FAT3: variants seen among roughly 807,000 people sequenced by gnomAD.
The protein encoded by FAT3 is protocadherin Fat 3.
In FAT3, 95 loss-of-function variants were observed where a neutral mutation model predicts 310.2. The ratio of observed to expected loss-of-function variants is 0.31; its 90% CI spans 0.26 to 0.36. FAT3 has a LOEUF of 0.36. FAT3 is among the 10% of genes least tolerant of loss of function. The pLI is 1.00. For missense variants in FAT3, 5,408 were observed against 5,715.6 expected, an observed-to-expected ratio of 0.95 and a Z score of 1.74; for synonymous variants, 2,314 against 2,192.9, an observed-to-expected ratio of 1.06 and a Z score of -1.54.
chr11:92,578,995 T>G (rs750110402), intron 3 of FAT3, among the ~76,000 whole-genome samples: 1 of 152,120 alleles, frequency 6.6e-6, no homozygotes, highest in Non-Finnish European at 1.5e-5. Context: ...GTATTACTTA[T>G]AAGGACATTT....
chr11:92,349,519 G>A lies in FAT3; in HGVS notation c.-17-2577G>A, dbSNP rs144506254. 3.3e-5 allele frequency among the ~76,000 whole-genome samples: 5 copies of A among 152,328 alleles called. No individual in the cohort carries two copies. The East Asian group carries it at 7.7e-4, about 24-fold the overall frequency. Reference sequence around the variant, plus strand: ...CACTGTGGGCTTCGCCACTCTGCTAGGTAGGACATTTGAACCTACTGCATC... The same window carrying A: ...CACTGTGGGCTTCGCCACTCTGCTAAGTAGGACATTTGAACCTACTGCATC... On this transcript the variant is annotated intron_variant, in intron 1 of 27. Transcript: ENST00000525166.
At chr11:92,287,997 G>A (rs1946600635) in intron 1 of FAT3, among the ~76,000 whole-genome samples, 1 of 152,110 alleles carries the variant, frequency 6.6e-6, no homozygotes, top group Non-Finnish European at 1.5e-5. Context: ...GCACGTCTTT[G>A]TAAAATGGAA....
chr11:92,772,102 A>G (rs903439478), intron 6 of FAT3, among the ~76,000 whole-genome samples: 2 of 152,174 alleles, frequency 1.3e-5, no homozygotes, highest in South Asian at 2.1e-4. Flanking sequence ...TTTTAAAATG[A>G]TCAACATTAG....
At chr11:92,383,519 A>G (rs1259797569) in intron 2 of FAT3, among the ~76,000 whole-genome samples, 2 of 152,226 alleles carry the variant, frequency 1.3e-5, no homozygotes, top group African/African-American at 2.4e-5. Context: ...GCATGTGAAC[A>G]TTTGGCTAGA....
intron 2 of FAT3, among the ~76,000 whole-genome samples, chr11:92,455,407 G>A (rs1272022789): frequency 6.6e-6 from 1 of 152,092 alleles, no homozygotes; most frequent in Non-Finnish European, 1.5e-5. Context: ...TCACTATTGT[G>A]CGGTGTCGGC....
At chr11:92,495,867 A>G (rs768559603) in intron 2 of FAT3, among the ~76,000 whole-genome samples, 14 of 152,028 alleles carry the variant, frequency 9.2e-5, no homozygotes, top group Non-Finnish European at 4.4e-5. Context: ...TGGGCTGGAG[A>G]TGATTTTGAT....
intron 3 of FAT3, among the ~76,000 whole-genome samples, chr11:92,611,954 C>A (rs185728057): frequency 6.6e-6 from 1 of 152,286 alleles, no homozygotes; most frequent in Admixed American, 6.5e-5. Context: ...GTTTCTTGAC[C>A]TTCCAAATGA....
intron 4 of FAT3, among the ~76,000 whole-genome samples, chr11:92,734,136 T>C (rs1945270533): frequency 6.6e-6 from 1 of 152,218 alleles, no homozygotes; most frequent in East Asian, 1.9e-4. Context: ...AGTACATTAC[T>C]GGTTTAATTG....
chr11:92,765,163 A>G (rs1946271541), intron 6 of FAT3, 74 bp downstream of exon 6: 6 of 1,261,284 alleles, frequency 4.8e-6, no homozygotes, highest in Non-Finnish European at 6.5e-6. Flanking sequence ...AAAAAAAAAA[A>G]GAAAGAAAGC....
chr11:92,434,982 A>T (rs1284490586), intron 2 of FAT3, among the ~76,000 whole-genome samples: 1 of 152,166 alleles, frequency 6.6e-6, no homozygotes, highest in African/African-American at 2.4e-5. Flanking sequence ...ATGGGATTTT[A>T]TTAGGGGCTT....
chr11:92,592,552 C>A (rs1342883600), intron 3 of FAT3, among the ~76,000 whole-genome samples: 1 of 151,982 alleles, frequency 6.6e-6, no homozygotes, highest in African/African-American at 2.4e-5. Flanking sequence ...AAATTCCTGA[C>A]CTCATGATCT....
intron 3 of FAT3, among the ~76,000 whole-genome samples, chr11:92,635,694 A>G (rs910953999): frequency 1.3e-5 from 2 of 152,224 alleles, no homozygotes; most frequent in Non-Finnish European, 2.9e-5. Flanking sequence ...CAGAGCTGCT[A>G]TTTAACTCAG....
intron 2 of FAT3, among the ~76,000 whole-genome samples, chr11:92,420,679 A>G (rs1038875281): frequency 2.0e-5 from 3 of 152,168 alleles, no homozygotes; most frequent in African/African-American, 7.2e-5. Flanking sequence ...TGGCATCTTG[A>G]CTCAGTAAAT....
intron 3 of FAT3, among the ~76,000 whole-genome samples, chr11:92,679,429 G>A (rs1355902191): frequency 6.6e-6 from 1 of 151,894 alleles, no homozygotes; most frequent in African/African-American, 2.4e-5. Flanking sequence ...TAGCATTTAT[G>A]AGTTCCCTTT....
At chr11:92,622,055 A>G (rs764912404) in intron 3 of FAT3, among the ~76,000 whole-genome samples, 24 of 152,048 alleles carry the variant, frequency 1.6e-4, no homozygotes, top group Non-Finnish European at 2.9e-4. Context: ...CCCCTAGGTA[A>G]TTTTCCCCCA....
At chr11:92,771,135 G>C (rs11825911) in intron 6 of FAT3, among the ~76,000 whole-genome samples, 47,329 of 151,970 alleles carry the variant, frequency 0.31, 7,658 homozygotes, top group Non-Finnish European at 0.33. Flanking sequence ...ACTCAGACCA[G>C]CTCTGCGGTG....
intron 1 of FAT3, among the ~76,000 whole-genome samples, chr11:92,311,967 T>C (rs887496021): frequency 6.6e-6 from 1 of 152,030 alleles, no homozygotes; most frequent in Non-Finnish European, 1.5e-5. Context: ...ATCCCAATCA[T>C]CTACATTGAG....
Position 92,452,332 on chromosome 11 carries a change from G to T in FAT3, c.3293-72302G>T, listed in dbSNP as rs1452733528. Among the ~76,000 whole-genome samples, 5 of 152,136 alleles carry T rather than the reference G, an allele frequency of 3.3e-5. No individual in the cohort carries two copies. The East Asian group carries it at 9.6e-4, about 29-fold the overall frequency. On this transcript the variant is annotated intron_variant, in intron 2 of 27. Coordinates refer to ENST00000525166, the MANE Select transcript of FAT3 (RefSeq NM_001367949.2). ...GACTGTTTATAAAGATTAAGAAAGA[G>T]CATCATTCTTGTTGCAAAAACGTGG...
chr11:92,270,963 C>G (rs912603556), intron 1 of FAT3, among the ~76,000 whole-genome samples: 2 of 152,050 alleles, frequency 1.3e-5, no homozygotes, highest in East Asian at 3.9e-4. Context: ...TTAGCAAAGC[C>G]TGTCTGTTTG....
Sources: allele counts gnomAD v4.1 joint callset (sites outside exome capture counted in the v4.1 genomes callset), GRCh38; gene constraint gnomAD v4.1.1; transcripts MANE v1.5; gene names NCBI Gene and HGNC (gene_info 2026-07-23, HGNC 2026-07-21).